Variants in NRXN3 observed in about 807,000 individuals in gnomAD.
NRXN3 encodes the protein neurexin 3, also known as neurexin III.
Under a neutral mutation model 137.6 loss-of-function variants are expected in NRXN3, and 32 were observed. That is an observed-to-expected ratio of 0.23 (90% CI 0.18 to 0.31). The LOEUF (loss-of-function observed/expected upper bound fraction) is 0.31, where lower values mean the gene tolerates loss of function less well. Among genes scored for constraint, NRXN3 ranks in the 10% least tolerant of loss-of-function variants. The pLI, the probability that NRXN3 is intolerant of heterozygous loss-of-function variation, is 1.00. For synonymous variants in NRXN3, 798 were observed against 784.5 expected (o/e 1.02, Z -0.29); for missense variants, 1,574 against 2,062.5 (o/e 0.76, Z 4.59).
chr14:79,593,127 G>C (rs8022725), intron 16 of NRXN3, among the ~76,000 whole-genome samples: 52,714 of 151,586 alleles, frequency 0.35, 9,764 homozygotes, highest in African/African-American at 0.47. Context: ...CCTTTTCATA[G>C]AGAATCATTG....
intron 2 of NRXN3, among the ~76,000 whole-genome samples, chr14:78,275,089 C>T (rs1364001932): frequency 3.3e-5 from 5 of 152,212 alleles, no homozygotes; most frequent in Non-Finnish European, 5.9e-5. Flanking sequence ...TTCTCACCTT[C>T]TTCAGGTATC....
chr14:79,732,985 G>T (rs994787134), intron 19 of NRXN3, among the ~76,000 whole-genome samples: 3 of 152,088 alleles, frequency 2.0e-5, no homozygotes, highest in Admixed American at 1.3e-4. Context: ...AGCAAGATAA[G>T]CTGTTAAATA....
chr14:78,650,670 A>C (rs564287154), intron 5 of NRXN3, among the ~76,000 whole-genome samples: 4 of 152,284 alleles, frequency 2.6e-5, no homozygotes, highest in African/African-American at 9.6e-5. Context: ...TAATAACAAT[A>C]AAGATAAAAG....
chr14:79,284,343 C>CATGTAT (rs2081836199), intron 15 of NRXN3, among the ~76,000 whole-genome samples: 1 of 65,086 alleles, frequency 1.5e-5, no homozygotes, highest in Non-Finnish European at 2.9e-5. Context: ...ACTAAAAATA[C>CATGTAT]ATATATATAT....
chr14:78,317,080 G>A (rs1200364286), intron 4 of NRXN3, among the ~76,000 whole-genome samples: 1 of 152,214 alleles, frequency 6.6e-6, no homozygotes, highest in Non-Finnish European at 1.5e-5. Flanking sequence ...GAGGAAGCCA[G>A]TGGTATAGTT....
At chr14:79,489,046 T>C (rs1455571493) in intron 16 of NRXN3, among the ~76,000 whole-genome samples, 1 of 152,208 alleles carries the variant, frequency 6.6e-6, no homozygotes, top group Non-Finnish European at 1.5e-5. Flanking sequence ...TGATCACATA[T>C]GCAGTGTGCA....
In NRXN3 at chr14:79,790,820, C is replaced by T. The variant is rs187731359; in HGVS notation, c.4015-14292C>T. 1.3e-3 allele frequency among the ~76,000 whole-genome samples: 204 copies of T among 152,040 alleles called. 1 individual carries two copies. The highest frequency in any genetic ancestry group is 4.7e-3 in the African/African-American group (195 of 41,464). On this transcript the variant is annotated intron_variant, in intron 19 of 20. Coordinates refer to ENST00000335750, the MANE Select transcript of NRXN3 (RefSeq NM_001330195.2). ...GTTTTTAGTAGAGGCAGGGTTTCAC[C>T]ATCTTGGCCAGGTGGGTCTTGAACT...
intron 2 of NRXN3, among the ~76,000 whole-genome samples, chr14:78,246,469 C>A (rs915695295): frequency 5.3e-5 from 8 of 152,072 alleles, no homozygotes; most frequent in Non-Finnish European, 1.2e-4. Flanking sequence ...CTCATTTATT[C>A]TCCCCATACA....
intron 20 of NRXN3, chr14:79,853,522 C>T (rs1239316480): frequency 7.4e-7 from 1 of 1,343,140 alleles, no homozygotes; most frequent in South Asian, 1.2e-5. Context: ...TGTATATTGC[C>T]CATCCCTTCC....
At chr14:78,653,872 A>G (rs1363586376) in intron 6 of NRXN3, among the ~76,000 whole-genome samples, 1 of 152,192 alleles carries the variant, frequency 6.6e-6, no homozygotes, top group African/African-American at 2.4e-5. Flanking sequence ...AGTGATGTCA[A>G]TATATCCTTA....
chr14:79,447,195 G>A (rs1330363591), intron 15 of NRXN3, among the ~76,000 whole-genome samples: 3 of 152,040 alleles, frequency 2.0e-5, no homozygotes, highest in East Asian at 3.9e-4. Context: ...TTCCTTCTGG[G>A]GTTTTCAGGA....
chr14:79,232,357 G>A (rs559256733), intron 15 of NRXN3, among the ~76,000 whole-genome samples: 11 of 152,154 alleles, frequency 7.2e-5, no homozygotes, highest in Admixed American at 7.2e-4. Context: ...AGTTTTTAAG[G>A]CACAAAATGT....
At chr14:78,787,297 G>A (rs2153042927) in intron 8 of NRXN3, among the ~76,000 whole-genome samples, 1 of 152,236 alleles carries the variant, frequency 6.6e-6, no homozygotes, top group Middle Eastern at 3.4e-3. Flanking sequence ...TAATATGGAA[G>A]CACCCACATT....
chr14:79,693,499 G>T (rs1461531118), intron 18 of NRXN3, among the ~76,000 whole-genome samples: 1 of 151,828 alleles, frequency 6.6e-6, no homozygotes, highest in African/African-American at 2.4e-5. Context: ...TAACATTAAA[G>T]ACAATGATTG....
In NRXN3 at chr14:78,880,195, C is replaced by G. The variant is rs1217182376; in HGVS notation, c.2275+69851C>G. On this transcript the variant is annotated intron_variant, in intron 10 of 20. Coordinates refer to ENST00000335750, the MANE Select transcript of NRXN3 (RefSeq NM_001330195.2). ...GCGGAGCTTGCAGTGAGCCGAGATCCCGCCACTGCACTCCAGCCTGGGCGA... is the reference window on the plus strand; with the variant it reads ...GCGGAGCTTGCAGTGAGCCGAGATCGCGCCACTGCACTCCAGCCTGGGCGA... Among the ~76,000 whole-genome samples the G allele has an allele frequency of 1.5e-4, 21 of 136,714 alleles. 1 individual carries two copies. Among genetic ancestry groups the G allele is most frequent in the Admixed American group, 7.7e-4 (11 of 14,290 alleles). 89.7% of individuals were successfully genotyped at this position (136,714 alleles called of 152,430 possible). A position where few individuals can be genotyped will look rare whatever the true frequency, so the allele number is the denominator to read the frequency against.
chr14:79,153,882 G>A (rs1252335902), intron 15 of NRXN3, among the ~76,000 whole-genome samples: 2 of 151,974 alleles, frequency 1.3e-5, no homozygotes, highest in African/African-American at 4.8e-5. Flanking sequence ...GTGAAGCTAA[G>A]AAATCCAGAT....
chr14:79,020,351 C>T (rs943580360), intron 15 of NRXN3, among the ~76,000 whole-genome samples: 14 of 150,358 alleles, frequency 9.3e-5, no homozygotes, highest in East Asian at 4.0e-4. Context: ...CCGCAACCTC[C>T]GCTTCCCAGG....
At chr14:79,064,385 G>A (rs1261056555) in intron 15 of NRXN3, among the ~76,000 whole-genome samples, 1 of 152,046 alleles carries the variant, frequency 6.6e-6, no homozygotes, top group Non-Finnish European at 1.5e-5. Flanking sequence ...GGGTGCAATA[G>A]TTCTCACTTC....
chr14:78,848,621 C>A (rs941230346), intron 10 of NRXN3, among the ~76,000 whole-genome samples: 2 of 152,148 alleles, frequency 1.3e-5, no homozygotes, highest in African/African-American at 4.8e-5. Context: ...AGAAGAAAGT[C>A]TTTAAGGTAT....
Sources: gnomAD v4.1 joint callset for allele counts (sites outside exome capture counted in the v4.1 genomes callset) on GRCh38, gnomAD v4.1.1 for gene constraint, MANE v1.5 for transcripts, NCBI Gene and HGNC (gene_info 2026-07-23, HGNC 2026-07-21) for gene names.